The following DMD variants were observed in gnomAD, a reference collection of about 807,000 sequenced individuals.
DMD encodes the protein dystrophin.
In DMD, 63 loss-of-function variants were observed where a neutral mutation model predicts 330.1. The ratio of observed to expected loss-of-function variants is 0.19; its 90% confidence interval spans 0.16 to 0.24. The LOEUF is 0.24. DMD is among the 10% of genes least tolerant of loss of function. DMD has a pLI of 1.00. For synonymous variants in DMD, 1,223 were observed against 959.8 expected, an observed-to-expected ratio of 1.27 and a Z score of -5.07; for missense variants, 3,344 against 2,684.1, an observed-to-expected ratio of 1.25 and a Z score of -5.43.
At chrX:31,749,606 A>G (rs1214593306) in intron 51 of DMD, among the ~76,000 whole-genome samples, 56 of 110,334 alleles carry the variant, frequency 5.1e-4, no homozygotes, top group South Asian at 1.6e-3. Flanking sequence ...ATAAACATAC[A>G]TGTGCATGTG....
chrX:32,790,732 C>CTG (rs1407708499), intron 7 of DMD, among the ~76,000 whole-genome samples: 1 of 111,691 alleles, frequency 9.0e-6, no homozygotes, highest in African/African-American at 3.3e-5. Flanking sequence ...CCTGCAAATG[C>CTG]TGTCACTGTG....
intron 23 of DMD, among the ~76,000 whole-genome samples, chrX:32,466,956 T>C (rs1030745194): frequency 3.6e-5 from 4 of 111,453 alleles, no homozygotes; most frequent in Non-Finnish European, 7.5e-5. Context: ...AGGAGTGCCA[T>C]AGGAAATGAA....
chrX:31,634,866 A>G (rs181473849), intron 54 of DMD, among the ~76,000 whole-genome samples: 1 of 111,673 alleles, frequency 9.0e-6, no homozygotes, highest in Non-Finnish European at 1.9e-5. Flanking sequence ...GAAAAAAATT[A>G]GTTGATAAAG....
chrX:32,810,192 G>C (rs912441318), intron 6 of DMD, among the ~76,000 whole-genome samples: 3 of 111,125 alleles, frequency 2.7e-5, no homozygotes, highest in Non-Finnish European at 5.6e-5. Context: ...CAGCAATAAA[G>C]ATGTGGGGAA....
Position 33,320,732 on chromosome X carries a change from C to T in DMD, c.7+18527G>A, listed in dbSNP as rs775815330. Among the ~76,000 whole-genome samples the T allele has an allele frequency of 5.3e-5, 6 of 112,339 alleles. No homozygotes were observed. In the South Asian group the frequency reaches 2.2e-3, roughly 41 times the overall value. On this transcript the variant is annotated intron_variant, in intron 1 of 17. Coordinates refer to the DMD transcript ENST00000288447. The stretch of plus-strand genomic sequence containing the variant: ...ACAAAACATTTCTTTGTAGCATGTG[C>T]TGCTGTTTGATAGCACTTTACTCAC...
chrX:31,178,090 A>C, intron 70 of DMD, 120 bp from the exon 71 acceptor site: 1 of 1,079,001 alleles, frequency 9.3e-7, no homozygotes, highest in Admixed American at 2.6e-5. Context: ...GGAAAGCAAT[A>C]GCCAAACCAA....
intron 55 of DMD, among the ~76,000 whole-genome samples, chrX:31,567,445 A>G (rs181195529): frequency 1.6e-4 from 18 of 111,389 alleles, no homozygotes; most frequent in African/African-American, 5.8e-4. Context: ...GTGTTGTCAG[A>G]TGCTTCTGCA....
In DMD at chrX:33,274,875, G is replaced by C. The variant is rs111989570; in HGVS notation, c.7+64384C>G. On this transcript the variant is annotated intron_variant, in intron 1 of 17. Coordinates refer to the DMD transcript ENST00000288447. ...CAAACGTTTATAACAAGGATCCTAAGACTATTGCCTTCATAGCGAGGAAGC... is the reference window on the plus strand; with the variant it reads ...CAAACGTTTATAACAAGGATCCTAACACTATTGCCTTCATAGCGAGGAAGC... Among the ~76,000 whole-genome samples the C allele has an allele frequency of 7.7e-3, 856 of 111,403 alleles. 8 individuals carry two copies. The highest frequency in any genetic ancestry group is 0.026 in the African/African-American group (798 of 30,635).
At chrX:31,388,827 G>A (rs764416648) in intron 60 of DMD, among the ~76,000 whole-genome samples, 3 of 111,913 alleles carry the variant, frequency 2.7e-5, no homozygotes, top group East Asian at 2.8e-4. Context: ...GCTTGAACCC[G>A]TGAGGTGGAG....
intron 64 of DMD, among the ~76,000 whole-genome samples, chrX:31,214,188 G>A (rs2045080533): frequency 8.9e-6 from 1 of 112,625 alleles, no homozygotes; most frequent in Admixed American, 9.4e-5. Flanking sequence ...TGTGAGACCA[G>A]TTACAATTAA....
intron 53 of DMD, among the ~76,000 whole-genome samples, chrX:31,666,225 C>T (rs746171563): frequency 1.1e-4 from 12 of 111,798 alleles, no homozygotes; most frequent in East Asian, 2.8e-4. Flanking sequence ...TGCCTTTTCA[C>T]GCCAGAAGAT....
At chrX:31,892,474 A>C (rs1211192954) in intron 47 of DMD, among the ~76,000 whole-genome samples, 2 of 111,140 alleles carry the variant, frequency 1.8e-5, no homozygotes, top group Non-Finnish European at 3.8e-5. Context: ...TACTGAAAAA[A>C]AAAAAGAATC....
At chrX:31,620,928 GTAA>G (rs1213510564) in intron 55 of DMD, among the ~76,000 whole-genome samples, 3 of 111,719 alleles carry the variant, frequency 2.7e-5, no homozygotes, top group African/African-American at 9.8e-5. Context: ...AAATTTGTGT[GTAA>G]TATAATTTAT....
intron 4 of DMD, among the ~76,000 whole-genome samples, chrX:32,834,202 GAATT>G (rs1012677535): frequency 2.7e-5 from 3 of 111,405 alleles, no homozygotes; most frequent in Non-Finnish European, 5.7e-5. Flanking sequence ...GCAAACTTGA[GAATT>G]AATACATATA....
At chrX:32,733,216 T>C (rs2067960365) in intron 7 of DMD, among the ~76,000 whole-genome samples, 1 of 111,165 alleles carries the variant, frequency 9.0e-6, no homozygotes, top group Admixed American at 9.5e-5. Context: ...GAGCTAACTA[T>C]CCTAAATATA....
At chrX:31,681,488 A>G (rs2082378752) in intron 52 of DMD, among the ~76,000 whole-genome samples, 1 of 112,196 alleles carries the variant, frequency 8.9e-6, no homozygotes, top group Non-Finnish European at 1.9e-5. Context: ...AGCCTGTGGC[A>G]ACCTCAAAGG....
rs376015495 is a variant in DMD at position 33,137,176 on chromosome X, C to T, written c.31+74106G>A. The stretch of plus-strand genomic sequence containing the variant: ...GTCAATGCCATCTTTCGGGGCTCTC[C>T]CAAGACTATTACAATAAAACGGGGT... On this transcript the variant is annotated intron_variant, in intron 1 of 78. Transcript: ENST00000357033. Among the ~76,000 whole-genome samples the T allele has an allele frequency of 4.1e-4, 45 of 110,849 alleles. 1 individual carries two copies. In the South Asian group the frequency reaches 6.2e-3, roughly 15 times the overall value.
Position 33,009,475 on chromosome X carries a change from T to TACACATATGTGTGTAC in DMD, c.93+10663_93+10664insGTACACACATATGTGT, listed in dbSNP as rs2093561122. ...GTATGTGTATACACATATGTGTGTA[T>TACACATATGTGTGTAC]GTGTATACACATGTGTGTATATGTA... On this transcript the variant is annotated intron_variant, in intron 2 of 78. Transcript: ENST00000357033. Among the ~76,000 whole-genome samples, 2 of 89,361 alleles carry TACACATATGTGTGTAC rather than the reference T, an allele frequency of 2.2e-5. 1 individual carries two copies. Among genetic ancestry groups the TACACATATGTGTGTAC allele is most frequent in the African/African-American group, 8.9e-5 (2 of 22,500 alleles). 77.6% of individuals were successfully genotyped at this position (89,361 alleles called of 115,157 possible).
chrX:32,308,548 A>G (rs926662044), intron 42 of DMD, among the ~76,000 whole-genome samples: 3 of 111,375 alleles, frequency 2.7e-5, no homozygotes, highest in Non-Finnish European at 5.7e-5. Context: ...GACAGAAGGA[A>G]TCATGCCCAC....
Sources: allele counts gnomAD v4.1 joint callset (sites outside exome capture counted in the v4.1 genomes callset), GRCh38; gene constraint gnomAD v4.1.1; transcripts MANE v1.5; gene names NCBI Gene and HGNC (gene_info 2026-07-23, HGNC 2026-07-21).